SOX5: variants seen among roughly 807,000 people sequenced by gnomAD.
SOX5 encodes the protein transcription factor SOX-5.
A neutral mutation model predicts 92.0 loss-of-function variants in SOX5; 9 were observed. The observed-to-expected ratio is 0.10, with a 90% CI of 0.06 to 0.17. The LOEUF (loss-of-function observed/expected upper bound fraction) is 0.17, where lower values mean the gene tolerates loss of function less well. Among genes scored for constraint, SOX5 ranks in the 10% least tolerant of loss-of-function variants. The pLI, the probability that SOX5 is intolerant of heterozygous loss-of-function variation, is 1.00. For synonymous variants in SOX5, 344 were observed against 336.3 expected (o/e 1.02, Z -0.25); for missense variants, 642 against 944.5 (o/e 0.68, Z 4.20).
At chr12:23,897,542 T>C (rs2097189827) in intron 1 of SOX5, among the ~76,000 whole-genome samples, 1 of 152,136 alleles carries the variant, frequency 6.6e-6, no homozygotes, top group Non-Finnish European at 1.5e-5. Context: ...AGTGTATTAT[T>C]TAACACAGAA....
intron 1 of SOX5, among the ~76,000 whole-genome samples, chr12:24,524,340 CATCTATCT>C (rs146131503): frequency 0.17 from 25,073 of 145,158 alleles, 2,712 homozygotes; most frequent in South Asian, 0.32. Context: ...AATCCCCTCC[CATCTATCT>C]ATCTATCTAT....
intron 4 of SOX5, among the ~76,000 whole-genome samples, chr12:24,044,379 T>C (rs1454277462): frequency 1.3e-5 from 2 of 152,186 alleles, no homozygotes; most frequent in African/African-American, 4.8e-5. Context: ...TGCCAAAATA[T>C]TGCTGCCTTT....
intron 3 of SOX5, among the ~76,000 whole-genome samples, chr12:23,779,913 A>G (rs2095235850): frequency 6.8e-6 from 1 of 147,932 alleles, no homozygotes; most frequent in African/African-American, 2.5e-5. Flanking sequence ...CTCCAATTAG[A>G]AAAAGACATG....
upstream of SOX5, among the ~76,000 whole-genome samples, chr12:23,955,083 C>A (rs765962197): frequency 5.9e-5 from 9 of 151,994 alleles, no homozygotes; most frequent in Non-Finnish European, 1.2e-4. Flanking sequence ...CTAGTAAGTG[C>A]AGGGCTGGAG....
intron 1 of SOX5, among the ~76,000 whole-genome samples, chr12:24,562,017 T>C (rs561903535): frequency 6.6e-6 from 1 of 152,182 alleles, no homozygotes; most frequent in African/African-American, 2.4e-5. Context: ...AAATAGAAAG[T>C]TATCCCGTCT....
At chr12:24,290,708 G>A (rs1946526351) in intron 2 of SOX5, among the ~76,000 whole-genome samples, 1 of 152,168 alleles carries the variant, frequency 6.6e-6, no homozygotes, top group Admixed American at 6.5e-5. Flanking sequence ...ACGCTATAAA[G>A]AGGGAGAGAT....
At chr12:24,161,107 G>A (rs1952709655) in intron 4 of SOX5, among the ~76,000 whole-genome samples, 1 of 152,054 alleles carries the variant, frequency 6.6e-6, no homozygotes, top group South Asian at 2.1e-4. Context: ...CCTACGCTGA[G>A]GTATTGTTAT....
intron 3 of SOX5, among the ~76,000 whole-genome samples, chr12:24,269,643 C>A (rs1202707169): frequency 6.6e-6 from 1 of 151,086 alleles, no homozygotes; most frequent in Non-Finnish European, 1.5e-5. Context: ...CAATCTAATA[C>A]CTTTCTATGC....
At chr12:23,893,519 T>C (rs1249698210) in intron 2 of SOX5, among the ~76,000 whole-genome samples, 1 of 152,154 alleles carries the variant, frequency 6.6e-6, no homozygotes, top group Non-Finnish European at 1.5e-5. Flanking sequence ...AACTACATTA[T>C]GTATGTATCA....
chr12:23,838,834 C>T (rs1265728661), intron 3 of SOX5, among the ~76,000 whole-genome samples: 2 of 54,236 alleles, frequency 3.7e-5, no homozygotes, highest in Admixed American at 2.8e-4. Context: ...CCCAGTAGTT[C>T]TTTTTTTTTG....
chr12:23,613,805 C>T (rs1213690736), intron 8 of SOX5, among the ~76,000 whole-genome samples: 2 of 152,118 alleles, frequency 1.3e-5, no homozygotes, highest in South Asian at 2.1e-4. Flanking sequence ...ATATGAATTA[C>T]CTAGAGAAAT....
At chr12:23,627,438 A>C (rs1275775097) in intron 8 of SOX5, among the ~76,000 whole-genome samples, 1 of 152,186 alleles carries the variant, frequency 6.6e-6, no homozygotes, top group Non-Finnish European at 1.5e-5. Flanking sequence ...TTTATACTGC[A>C]GAATATAATT....
At position 23,710,500 on chromosome 12, in the gene SOX5, T is replaced by C. The variant is rs988832376; in HGVS notation, c.810+24184A>G. ...GTGAGAACATGTGGTGTCTGGTTTT[T>C]TGTTCTTGTGATAGTTGGCTGAGAA... On this transcript the variant is annotated intron_variant, in intron 6 of 14. Coordinates refer to ENST00000451604, the MANE Select transcript of SOX5 (RefSeq NM_006940.6). Among the ~76,000 whole-genome samples, 16 of 152,282 alleles carry C rather than the reference T, an allele frequency of 1.1e-4. No individual in the cohort carries two copies. The South Asian group carries it at 2.5e-3, about 24-fold the overall frequency.
intron 4 of SOX5, among the ~76,000 whole-genome samples, chr12:23,991,174 T>A (rs1218716094): frequency 7.2e-6 from 1 of 139,434 alleles, no homozygotes; most frequent in Non-Finnish European, 1.5e-5. Context: ...GGCAACACAG[T>A]GAGATCCCGT....
chr12:24,133,181 T>C (rs1019037610), intron 4 of SOX5, among the ~76,000 whole-genome samples: 3 of 152,264 alleles, frequency 2.0e-5, no homozygotes, highest in Non-Finnish European at 2.9e-5. Flanking sequence ...AAACTACTGA[T>C]GAGATTCTGG....
intron 6 of SOX5, among the ~76,000 whole-genome samples, chr12:23,721,074 TTTA>T (rs1431158874): frequency 3.3e-5 from 5 of 150,496 alleles, no homozygotes; most frequent in South Asian, 2.1e-4. Flanking sequence ...TATTAATTAT[TTTA>T]TTTATTTATT....
At chr12:23,915,670 T>A (rs2097406880) in intron 1 of SOX5, among the ~76,000 whole-genome samples, 1 of 152,016 alleles carries the variant, frequency 6.6e-6, no homozygotes. Flanking sequence ...ATATGGTTTT[T>A]TGCTACACGA....
intron 1 of SOX5, among the ~76,000 whole-genome samples, chr12:24,485,840 A>G (rs549669968): frequency 4.3e-4 from 66 of 152,286 alleles, no homozygotes; most frequent in Non-Finnish European, 5.7e-4. Context: ...TATTCAGTAC[A>G]TGCCTCCTGC....
intron 4 of SOX5, among the ~76,000 whole-genome samples, chr12:24,091,888 A>G (rs1944699925): frequency 6.6e-6 from 1 of 152,034 alleles, no homozygotes; most frequent in South Asian, 2.1e-4. Flanking sequence ...CTTCCATTTA[A>G]TACGAGTTCC....
Sources: gnomAD v4.1 joint callset for allele counts (sites outside exome capture counted in the v4.1 genomes callset) on GRCh38, gnomAD v4.1.1 for gene constraint, MANE v1.5 for transcripts, NCBI Gene and HGNC (gene_info 2026-07-23, HGNC 2026-07-21) for gene names.